The following XRRA1 variants were observed in gnomAD, a reference collection of about 807,000 sequenced individuals.
The protein encoded by XRRA1 is X-ray radiation resistance-associated protein 1.
Under a neutral mutation model 80.2 loss-of-function variants are expected in XRRA1, and 69 were observed. The ratio of observed to expected loss-of-function variants is 0.86; its 90% CI spans 0.71 to 1.05. The LOEUF is 1.05. XRRA1 is among the 50% of genes least tolerant of loss of function. The pLI is 0.00. For missense variants in XRRA1, 967 were observed against 976.4 expected (o/e 0.99, Z 0.13); for synonymous variants, 348 against 389.9 (o/e 0.89, Z 1.27).
At chr11:74,938,760 A>C (rs1945649376) in intron 3 of XRRA1, among the ~76,000 whole-genome samples, 1 of 152,116 alleles carries the variant, frequency 6.6e-6, no homozygotes, top group Non-Finnish European at 1.5e-5. Context: ...TTGCTTTAAC[A>C]CTACAGCTTC....
intron 10 of XRRA1, among the ~76,000 whole-genome samples, chr11:74,887,897 G>A (rs575578022): frequency 6.6e-6 from 1 of 152,264 alleles, no homozygotes; most frequent in South Asian, 2.1e-4. Flanking sequence ...CATTGCCGAG[G>A]CTTGAGTAGG....
chr11:74,851,167 C>A lies in XRRA1; in HGVS notation c.1301G>T (p.Arg434Leu). Residue 434 changes from arginine (R) to leucine (L), a missense_variant, in exon 14 of 19, where the codon CGA becomes CTA. Coordinates refer to ENST00000684022, the MANE Select transcript of XRRA1 (RefSeq NM_001378157.1). ...PPLLKSFLQE[R>L]LGIHLIRRKI... ...CCTTCGAATTAAGTGGATTCCCAGT[C>A]GCTCCTGGAGGAAGCTCTTCAGCAG... The A allele has an allele frequency of 6.2e-7, 1 of 1,612,998 alleles. No homozygotes were observed. The highest frequency in any genetic ancestry group is 1.1e-5 in the South Asian group (1 of 90,950).
At chr11:74,935,044 C>G (rs1359631857) in intron 4 of XRRA1, among the ~76,000 whole-genome samples, 1 of 152,178 alleles carries the variant, frequency 6.6e-6, no homozygotes, top group African/African-American at 2.4e-5. Flanking sequence ...AAGTCGTGAT[C>G]TGTGTAAACC....
intron 10 of XRRA1, among the ~76,000 whole-genome samples, chr11:74,893,382 A>T (rs1410187233): frequency 2.8e-5 from 4 of 142,196 alleles, no homozygotes; most frequent in African/African-American, 1.0e-4. Context: ...CAGGAAGGGA[A>T]CATCACACAC....
chr11:74,888,761 C>T (rs917939922), intron 10 of XRRA1, among the ~76,000 whole-genome samples: 2 of 152,058 alleles, frequency 1.3e-5, no homozygotes, highest in African/African-American at 4.8e-5. Context: ...ACGAGAACTA[C>T]GTGATGAATG....
chr11:74,884,688 T>C (rs2048581348), intron 10 of XRRA1, among the ~76,000 whole-genome samples: 2 of 152,210 alleles, frequency 1.3e-5, no homozygotes, highest in Non-Finnish European at 2.9e-5. Flanking sequence ...CCATATCCTT[T>C]ATTTCCTTGG....
intron 10 of XRRA1, among the ~76,000 whole-genome samples, chr11:74,879,255 GCTCT>G (rs1357568280): frequency 4.0e-5 from 6 of 150,348 alleles, no homozygotes; most frequent in African/African-American, 9.8e-5. Flanking sequence ...TCATGATTTG[GCTCT>G]CTGTTTGTCT....
At chr11:74,889,967 C>T (rs970489336) in intron 10 of XRRA1, among the ~76,000 whole-genome samples, 3 of 152,116 alleles carry the variant, frequency 2.0e-5, no homozygotes, top group Non-Finnish European at 4.4e-5. Context: ...CTTTAACACC[C>T]CACTGTCAAC....
intron 13 of XRRA1, 74 bp downstream of exon 13, chr11:74,851,915 T>G: frequency 7.9e-7 from 1 of 1,265,496 alleles, no homozygotes. Context: ...TTGGCATTGA[T>G]GAGGTGGGGA....
At chr11:74,900,690 A>G (rs536247640) in intron 10 of XRRA1, among the ~76,000 whole-genome samples, 1 of 152,372 alleles carries the variant, frequency 6.6e-6, no homozygotes, top group African/African-American at 2.4e-5. Flanking sequence ...CATCAACAGA[A>G]TGAAGGACTA....
chr11:74,842,902 G>T lies in XRRA1; in HGVS notation c.*298C>A. On this transcript the variant is annotated 3_prime_UTR_variant, in exon 19 of 19. Transcript: ENST00000684022. ...CATCTGAACTGGAAAACCATTTTTA[G>T]AGGGAAGTGTGACAATGCTGCTGTG... The T allele has an allele frequency of 2.6e-6, 1 of 383,906 alleles. No individual in the cohort carries two copies. The highest frequency in any genetic ancestry group is 4.7e-6 in the Non-Finnish European group (1 of 213,646). 23.8% of individuals were successfully genotyped at this position (383,906 alleles called of 1,614,324 possible).
intron 3 of XRRA1, 149 bp from the exon 4 acceptor site, chr11:74,937,217 G>A (rs1945213208): frequency 1.3e-6 from 1 of 764,662 alleles, no homozygotes; most frequent in African/African-American, 1.8e-5. Context: ...GGGTAGGGGA[G>A]ATATCTACCT....
At chr11:74,849,177 G>A (rs1273397470) in intron 14 of XRRA1, among the ~76,000 whole-genome samples, 1 of 152,142 alleles carries the variant, frequency 6.6e-6, no homozygotes, top group East Asian at 1.9e-4. Flanking sequence ...CTCTTTGTCA[G>A]AGGTATTTGG....
intron 3 of XRRA1, among the ~76,000 whole-genome samples, chr11:74,940,311 C>T (rs1298532200): frequency 2.6e-5 from 4 of 152,104 alleles, no homozygotes; most frequent in African/African-American, 7.2e-5. Context: ...ATAAGAAATA[C>T]AGACAGGAAG....
At chr11:74,897,480 G>A (rs1296574433) in intron 10 of XRRA1, among the ~76,000 whole-genome samples, 1 of 152,006 alleles carries the variant, frequency 6.6e-6, no homozygotes, top group African/African-American at 2.4e-5. Flanking sequence ...CCCAAACCTA[G>A]AGAAAGATAC....
intron 10 of XRRA1, chr11:74,877,067 C>T (rs2046203074): frequency 1.3e-5 from 2 of 152,190 alleles, no homozygotes; most frequent in Admixed American, 6.5e-5. Context: ...GGACTATATA[C>T]TGTGGTACCT....
Position 74,843,220 on chromosome 11 carries a change from C to G in XRRA1, c.2383G>C (p.Ala795Pro). Residue 795 changes from alanine to proline, a missense_variant, in exon 19 of 19, where the codon GCC (alanine) becomes CCC (proline). Coordinates refer to ENST00000684022, the MANE Select transcript of XRRA1 (RefSeq NM_001378157.1). ...FMDEFCQEPT[A>P]SDSQG ...CAGCTCTAGCCTTGTGAGTCACTGG[C>G]TGTGGGCTCCTGGCAGAACTCATCC... 6.4e-7 allele frequency: 1 copy of G among 1,558,206 alleles called. No individual in the cohort carries two copies.
intron 3 of XRRA1, among the ~76,000 whole-genome samples, chr11:74,938,336 G>C (rs770296821): frequency 5.5e-4 from 83 of 152,198 alleles, no homozygotes; most frequent in Non-Finnish European, 7.9e-4. Context: ...TCTGGGGCAT[G>C]AACTTTGCTT....
chr11:74,930,299 C>T lies in XRRA1; in HGVS notation c.424+1G>A, dbSNP rs1591518185. 1.3e-6 allele frequency: 2 copies of T among 1,564,186 alleles called. No homozygotes were observed. The highest frequency in any genetic ancestry group is 1.7e-6 in the Non-Finnish European group (2 of 1,152,814). On this transcript the variant is annotated splice_donor_variant, in intron 6 of 18. Transcript: ENST00000684022. LOFTEE classifies it high-confidence loss of function. ...GAGCTTTCAAGAAAGAAAAAGCTTA[C>T]CTAGAGGCAGCAGGTTTTCTGAGGC...
Sources: allele counts gnomAD v4.1 joint callset (sites outside exome capture counted in the v4.1 genomes callset), GRCh38; gene constraint gnomAD v4.1.1; transcripts MANE v1.5; gene names NCBI Gene and HGNC (gene_info 2026-07-23, HGNC 2026-07-21).